Variants in EDARADD observed in about 807,000 individuals in gnomAD.
The protein encoded by EDARADD is EDAR associated via death domain.
A neutral mutation model predicts 25.6 loss-of-function variants in EDARADD; 20 were observed. That is an observed-to-expected ratio of 0.78 (90% CI 0.55 to 1.14). EDARADD has a LOEUF of 1.14. Among genes scored for constraint, EDARADD ranks in the 50% most tolerant of loss-of-function variants. The probability of loss-of-function intolerance (pLI) is 0.00; values close to 1 mark genes in which losing one functional copy is unlikely to be tolerated. For synonymous variants in EDARADD, 86 were observed against 94.4 expected, an observed-to-expected ratio of 0.91 and a Z score of 0.52; for missense variants, 225 against 270.1, an observed-to-expected ratio of 0.83 and a Z score of 1.17.
chr1:236,408,289 A>AC (rs1187391778), intron 1 of EDARADD, among the ~76,000 whole-genome samples: 1 of 151,692 alleles, frequency 6.6e-6, no homozygotes, highest in Non-Finnish European at 1.5e-5. Context: ...TGCAACCTCC[A>AC]CCTCCCAGGT....
chr1:236,354,766 C>G (rs1666955105), intron 3 of EDARADD, among the ~76,000 whole-genome samples: 1 of 152,182 alleles, frequency 6.6e-6, no homozygotes, highest in Admixed American at 6.5e-5. Context: ...AGAGACTGCA[C>G]ACACAAATTA....
At chr1:236,468,339 T>C in intron 5 of EDARADD, 63 bp downstream of exon 5, 1 of 1,567,556 alleles carries the variant, frequency 6.4e-7, no homozygotes, top group Middle Eastern at 1.7e-4. Context: ...AAAGATAATT[T>C]GAGGCCAGGG....
intron 5 of EDARADD, among the ~76,000 whole-genome samples, chr1:236,477,386 G>A (rs59381017): frequency 6.6e-6 from 1 of 151,346 alleles, no homozygotes; most frequent in Non-Finnish European, 1.5e-5. Flanking sequence ...GTGGTGGCAG[G>A]CGCCTGTAGT....
At chr1:236,391,442 T>C (rs1433894174), upstream of EDARADD, among the ~76,000 whole-genome samples, 1 of 152,182 alleles carries the variant, frequency 6.6e-6, no homozygotes, top group Non-Finnish European at 1.5e-5. Flanking sequence ...TTCCATCACA[T>C]ATGATTCACT....
chr1:236,383,848 T>G (rs1667326689), intron 3 of EDARADD, among the ~76,000 whole-genome samples: 1 of 151,834 alleles, frequency 6.6e-6, no homozygotes, highest in Non-Finnish European at 1.5e-5. Flanking sequence ...TACAAAAAGT[T>G]TAAGAACTAG....
rs1190319069 is a variant in EDARADD at position 236,387,951 on chromosome 1, A to T, written c.-5-21265A>T. On this transcript the variant is annotated intron_variant, in intron 3 of 7. Transcript: ENST00000439430. Reference sequence around the variant, plus strand: ...ACCTTCCCTCCACTATTGTCCCATGACCCTGCCAAATCCCCCTCTGTGAGA... The same window carrying T: ...ACCTTCCCTCCACTATTGTCCCATGTCCCTGCCAAATCCCCCTCTGTGAGA... 5.9e-5 allele frequency among the ~76,000 whole-genome samples: 3 copies of T among 51,094 alleles called. 1 individual carries two copies. The highest frequency in any genetic ancestry group is 1.2e-4 in the Non-Finnish European group (3 of 25,098). The allele number at this position is 51,094 out of a possible 152,430, so 33.5% of individuals were successfully genotyped here.
chr1:236,484,122 C>A lies in EDARADD; in HGVS notation c.*1473C>A. On this transcript the variant is annotated 3_prime_UTR_variant, in exon 6 of 6. Transcript: ENST00000334232. This position sits in a 1 kb window ranked among gnomAD's most constrained non-coding sequence, Gnocchi z 4.1. Reference sequence around the variant, plus strand: ...AGGAATCCAGGTAGTGGAGGATGATCTCAGAGTGACCAACCCAAAGAGGAC... The same window carrying A: ...AGGAATCCAGGTAGTGGAGGATGATATCAGAGTGACCAACCCAAAGAGGAC... 6.6e-7 allele frequency: 1 copy of A among 1,514,722 alleles called. No homozygotes were observed. The highest frequency in any genetic ancestry group is 9.2e-7 in the Non-Finnish European group (1 of 1,090,802). 93.8% of individuals were successfully genotyped at this position (1,514,722 alleles called of 1,614,324 possible). A position where few individuals can be genotyped will look rare whatever the true frequency, so the allele number is the denominator to read the frequency against.
intron 4 of EDARADD, among the ~76,000 whole-genome samples, chr1:236,445,507 C>T (rs1172305544): frequency 6.6e-6 from 1 of 152,056 alleles, no homozygotes; most frequent in Non-Finnish European, 1.5e-5. Context: ...GGATTACAGG[C>T]GTGAGCCACC....
At chr1:236,439,721 G>T (rs1423995571) in intron 4 of EDARADD, among the ~76,000 whole-genome samples, 1 of 152,184 alleles carries the variant, frequency 6.6e-6, no homozygotes, top group East Asian at 1.9e-4. Flanking sequence ...TGAGTTTAAA[G>T]AGGTTTTATA....
intron 3 of EDARADD, among the ~76,000 whole-genome samples, chr1:236,363,004 AAAAT>A (rs1165433589): frequency 2.2e-4 from 13 of 58,400 alleles, no homozygotes; most frequent in South Asian, 2.2e-3. Context: ...AAAAAAAAAA[AAAAT>A]ATATATATAT....
At chr1:236,405,889 CTT>C (rs1558112884) in intron 1 of EDARADD, among the ~76,000 whole-genome samples, 1 of 38,748 alleles carries the variant, frequency 2.6e-5, no homozygotes, top group Non-Finnish European at 5.8e-5. Context: ...TTCTTTCTTT[CTT>C]TCTTTCTTTC....
intron 4 of EDARADD, among the ~76,000 whole-genome samples, chr1:236,466,419 TCTCA>T (rs1361317567): frequency 7.8e-6 from 1 of 128,498 alleles, no homozygotes; most frequent in Non-Finnish European, 1.6e-5. Flanking sequence ...TCTCTTTCTC[TCTCA>T]CTCTCTCTCT....
upstream of EDARADD, among the ~76,000 whole-genome samples, chr1:236,393,391 CTTTTTT>C (rs761525038): frequency 1.0e-4 from 9 of 87,200 alleles, no homozygotes; most frequent in Admixed American, 7.1e-4. Context: ...TTCTTTCTTT[CTTTTTT>C]TTTTTTTTTT....
rs1319122427 is a variant in EDARADD, at chr1:236,447,241, TC to T, written c.219+19793del. 6.1e-3 allele frequency among the ~76,000 whole-genome samples: 729 copies of T among 118,682 alleles called. 13 individuals carry two copies. Among genetic ancestry groups the T allele is most frequent in the East Asian group, 0.045 (216 of 4,766 alleles). 77.9% of individuals were successfully genotyped at this position (118,682 alleles called of 152,430 possible). On this transcript the variant is annotated intron_variant, in intron 4 of 5. Coordinates refer to ENST00000334232, the MANE Select transcript of EDARADD (RefSeq NM_145861.4). ...CTTTCTTTCCTTTCTTTCCTTTCTT[TC>T]CTTTCTTTCCTTTCTTTCTTTCTTT...
chr1:236,449,044 G>A (rs1181564747), intron 4 of EDARADD, among the ~76,000 whole-genome samples: 3 of 152,172 alleles, frequency 2.0e-5, no homozygotes, highest in Non-Finnish European at 4.4e-5. Flanking sequence ...TCTCCTGAGG[G>A]CTGTGAGGGA....
intron 4 of EDARADD, among the ~76,000 whole-genome samples, chr1:236,455,151 A>G (rs1658823147): frequency 6.6e-6 from 1 of 152,044 alleles, no homozygotes; most frequent in African/African-American, 2.4e-5. Context: ...CGGAGGTTGC[A>G]GTGAGCCGAG....
chr1:236,467,290 A>T (rs975428891), intron 4 of EDARADD, among the ~76,000 whole-genome samples: 1 of 137,552 alleles, frequency 7.3e-6, no homozygotes, highest in Non-Finnish European at 1.6e-5. Flanking sequence ...CTTCTTCAGT[A>T]CTGTGGGTGG....
At chr1:236,478,027 C>T (rs1022298837) in intron 5 of EDARADD, among the ~76,000 whole-genome samples, 2 of 151,920 alleles carry the variant, frequency 1.3e-5, no homozygotes, top group South Asian at 2.1e-4. Flanking sequence ...TGCTTGAACC[C>T]GAGAGGCGGA....
chr1:236,444,715 C>T (rs149118298), intron 4 of EDARADD, among the ~76,000 whole-genome samples: 52 of 152,306 alleles, frequency 3.4e-4, no homozygotes, highest in South Asian at 1.9e-3. Context: ...TGAGCCACCG[C>T]GCCTGACCAA....
Sources: gnomAD v4.1 joint callset for allele counts (sites outside exome capture counted in the v4.1 genomes callset) on GRCh38, gnomAD v4.1.1 for gene constraint, Gnocchi (gnomAD v3.1) non-coding constraint, MANE v1.5 for transcripts, NCBI Gene and HGNC (gene_info 2026-07-23, HGNC 2026-07-21) for gene names.